The following BCAR3 variants were observed in gnomAD, a reference collection of about 807,000 sequenced individuals.
The protein encoded by BCAR3 is breast cancer anti-estrogen resistance protein 3.
BCAR3 carries 37 observed loss-of-function variants against 80.1 expected under a neutral mutation model. The observed-to-expected ratio is 0.46, with a 90% CI of 0.36 to 0.61. The LOEUF is 0.61. BCAR3 is among the 20% of genes least tolerant of loss of function. BCAR3 has a pLI of 0.00. For missense variants in BCAR3, 978 were observed against 1,068.2 expected (o/e 0.92, Z 1.18); for synonymous variants, 389 against 418.9 (o/e 0.93, Z 0.87).
At chr1:93,709,136 A>T (rs1393042126) in intron 2 of BCAR3, among the ~76,000 whole-genome samples, 1 of 152,212 alleles carries the variant, frequency 6.6e-6, no homozygotes, top group Non-Finnish European at 1.5e-5. Flanking sequence ...TTCCCCTCCC[A>T]AGGGCATCTG....
chr1:93,567,145 T>C, intron 11 of BCAR3, 134 bp downstream of exon 11: 1 of 1,083,176 alleles, frequency 9.2e-7, no homozygotes, highest in South Asian at 1.6e-5. Context: ...TAACTAGCCA[T>C]ATAGGAAATG....
intron 3 of BCAR3, among the ~76,000 whole-genome samples, chr1:93,601,455 C>T (rs1156723243): frequency 6.6e-6 from 1 of 152,166 alleles, no homozygotes; most frequent in African/African-American, 2.4e-5. Flanking sequence ...GGTGAGTAAG[C>T]AGGCATACTG....
chr1:93,646,831 T>C (rs1194528984), intron 2 of BCAR3, among the ~76,000 whole-genome samples: 7 of 152,134 alleles, frequency 4.6e-5, no homozygotes, highest in Non-Finnish European at 1.0e-4. Context: ...CTTAAGTAAA[T>C]ACCTGAAATT....
At chr1:93,802,085 T>C (rs1653498760) in intron 2 of BCAR3, among the ~76,000 whole-genome samples, 1 of 150,398 alleles carries the variant, frequency 6.6e-6, no homozygotes, top group South Asian at 2.1e-4. Flanking sequence ...GCTGGGATTG[T>C]GCCACTGCAC....
At chr1:93,844,262 A>G (rs1655064737) in intron 2 of BCAR3, among the ~76,000 whole-genome samples, 1 of 152,206 alleles carries the variant, frequency 6.6e-6, no homozygotes, top group African/African-American at 2.4e-5. Flanking sequence ...AGCCAAGATC[A>G]TGCCATTGCA....
At chr1:93,805,398 T>C (rs1236360567) in intron 2 of BCAR3, among the ~76,000 whole-genome samples, 1 of 152,168 alleles carries the variant, frequency 6.6e-6, no homozygotes, top group African/African-American at 2.4e-5. Context: ...CTGAAAGCCA[T>C]TAAAGTTCTA....
intron 3 of BCAR3, among the ~76,000 whole-genome samples, chr1:93,620,455 C>T (rs1675273318): frequency 2.0e-5 from 3 of 152,144 alleles, no homozygotes; most frequent in Admixed American, 2.0e-4. Context: ...CTCCTGGGTT[C>T]ATCCACAACT....
chr1:93,833,736 T>C (rs541605770), intron 2 of BCAR3, among the ~76,000 whole-genome samples: 1 of 152,210 alleles, frequency 6.6e-6, no homozygotes, highest in South Asian at 2.1e-4. Flanking sequence ...ATTGCTGTTA[T>C]CCTGTTCTTT....
intron 2 of BCAR3, among the ~76,000 whole-genome samples, chr1:93,752,751 G>A (rs192508657): frequency 1.3e-5 from 2 of 152,314 alleles, no homozygotes; most frequent in African/African-American, 2.4e-5. Context: ...ATCCACACAT[G>A]GCCACACTCC....
intron 3 of BCAR3, among the ~76,000 whole-genome samples, chr1:93,693,139 A>T (rs10874793): frequency 6.6e-6 from 1 of 151,988 alleles, no homozygotes; most frequent in Non-Finnish European, 1.5e-5. Context: ...CAAGCCTCCC[A>T]GTGACCTGTG....
chr1:93,620,366 G>A (rs1329384154), intron 3 of BCAR3, among the ~76,000 whole-genome samples: 2 of 152,226 alleles, frequency 1.3e-5, no homozygotes, highest in Non-Finnish European at 2.9e-5. Flanking sequence ...CTACTCCAGA[G>A]TCTCTGTCAT....
intron 2 of BCAR3, among the ~76,000 whole-genome samples, chr1:93,718,414 G>C (rs774814982): frequency 6.6e-6 from 1 of 152,208 alleles, no homozygotes; most frequent in Non-Finnish European, 1.5e-5. Flanking sequence ...AGTGTGAGGA[G>C]CGATGCTGGG....
intron 2 of BCAR3, among the ~76,000 whole-genome samples, chr1:93,667,101 G>A (rs1263208433): frequency 6.6e-6 from 1 of 152,188 alleles, no homozygotes; most frequent in East Asian, 1.9e-4. Context: ...CTTACCCAAG[G>A]TCACAAAGCT....
chr1:93,626,778 T>C (rs1178808277), intron 3 of BCAR3, among the ~76,000 whole-genome samples: 3 of 152,234 alleles, frequency 2.0e-5, no homozygotes, highest in African/African-American at 7.2e-5. Context: ...TAGTATTCTA[T>C]ACAATGCAAC....
At chr1:93,711,243 T>A (rs1650011289) in intron 2 of BCAR3, among the ~76,000 whole-genome samples, 1 of 152,232 alleles carries the variant, frequency 6.6e-6, no homozygotes, top group South Asian at 2.1e-4. Flanking sequence ...ACCAGAATGG[T>A]GATCTCTGGG....
chr1:93,636,115 G>C (rs2101903221), intron 3 of BCAR3, among the ~76,000 whole-genome samples: 1 of 152,258 alleles, frequency 6.6e-6, no homozygotes, highest in Admixed American at 6.5e-5. Context: ...TCTGAGCCTT[G>C]GATGGCCTGT....
chr1:93,582,508 C>T lies in BCAR3; in HGVS notation c.1479G>A (p.Gln493=). The part of the protein sequence containing the change: ...RERPWEPAAA[Q]MEKGQWDKGE... ...CCTTGTCCCACTGCCCCTTCTCCAT[C>T]TGAGCTGCCGCAGGTTCCCAAGGTC... Residue 493 remains glutamine, a synonymous_variant, in exon 7 of 12, where the codon CAG becomes CAA. Transcript: ENST00000260502. 1 of 1,614,134 alleles carries T rather than the reference C, an allele frequency of 6.2e-7. No homozygotes were observed. Among genetic ancestry groups the T allele is most frequent in the Non-Finnish European group, 8.5e-7 (1 of 1,180,022 alleles).
intron 2 of BCAR3, among the ~76,000 whole-genome samples, chr1:93,722,780 C>T (rs1256679995): frequency 3.3e-5 from 5 of 152,050 alleles, no homozygotes; most frequent in East Asian, 1.9e-4. Flanking sequence ...TGACAAGGGC[C>T]GCAGACCCTC....
intron 2 of BCAR3, among the ~76,000 whole-genome samples, chr1:93,707,943 C>T (rs996979943): frequency 1.3e-5 from 2 of 152,040 alleles, no homozygotes; most frequent in Non-Finnish European, 2.9e-5. Flanking sequence ...AAATAAACAA[C>T]GAGGTAAATA....
Sources: allele counts gnomAD v4.1 joint callset (sites outside exome capture counted in the v4.1 genomes callset), GRCh38; gene constraint gnomAD v4.1.1; transcripts MANE v1.5; gene names NCBI Gene and HGNC (gene_info 2026-07-23, HGNC 2026-07-21).